Variants in ODAD4 observed in about 807,000 individuals in gnomAD.
The protein encoded by ODAD4 is outer dynein arm-docking complex subunit 4.
A neutral mutation model predicts 51.8 loss-of-function variants in ODAD4; 49 were observed. The observed-to-expected ratio is 0.95, with a 90% CI of 0.75 to 1.20. The LOEUF (loss-of-function observed/expected upper bound fraction) is 1.20. ODAD4 is among the 50% of genes most tolerant of loss of function. The pLI, the probability that ODAD4 is intolerant of heterozygous loss-of-function variation, is 0.00. For missense variants in ODAD4, 590 were observed against 586.5 expected, an observed-to-expected ratio of 1.01 and a Z score of -0.06; for synonymous variants, 235 against 221.3, an observed-to-expected ratio of 1.06 and a Z score of -0.55.
intron 7 of ODAD4, among the ~76,000 whole-genome samples, chr17:41,943,223 TA>T (rs1322191853): frequency 6.6e-6 from 1 of 152,232 alleles, no homozygotes; most frequent in Non-Finnish European, 1.5e-5. Context: ...CAGGATTTTT[TA>T]AAACCAAAGC....
In ODAD4 at chr17:41,966,461, A is replaced by G. The variant is rs2050889369; in HGVS notation, c.*978A>G. On this transcript the variant is annotated 3_prime_UTR_variant, in exon 12 of 12. Transcript: ENST00000377540. ...TTAATTAATGCAAAAGTCCATGATGAATAAAATATCAAAAATTAAAGACAG... is the reference window on the plus strand; with the variant it reads ...TTAATTAATGCAAAAGTCCATGATGGATAAAATATCAAAAATTAAAGACAG... Among the ~76,000 whole-genome samples the G allele has an allele frequency of 6.6e-6, 1 of 152,228 alleles. No individual in the cohort carries two copies. The highest frequency in any genetic ancestry group is 1.5e-5 in the Non-Finnish European group (1 of 68,032).
intron 10 of ODAD4, among the ~76,000 whole-genome samples, chr17:41,958,582 A>G (rs1185278474): frequency 2.0e-5 from 3 of 150,760 alleles, no homozygotes; most frequent in Non-Finnish European, 3.0e-5. Flanking sequence ...GAATCGCTTG[A>G]ACCCGGGAGG....
intron 8 of ODAD4, among the ~76,000 whole-genome samples, chr17:41,947,561 C>A (rs2050604891): frequency 1.3e-5 from 2 of 151,218 alleles, no homozygotes; most frequent in East Asian, 2.0e-4. Context: ...CTTTGGGAGG[C>A]CGAGGTGGGC....
chr17:41,938,417 A>G (rs1239498438), intron 5 of ODAD4, 140 bp from the exon 6 acceptor site: 1 of 681,886 alleles, frequency 1.5e-6, no homozygotes, highest in African/African-American at 1.8e-5. Flanking sequence ...CACTATGCGC[A>G]CTCACACTCC....
chr17:41,938,715 GACCACAAACGCCGTCCCTCAC>G lies in ODAD4; in HGVS notation c.786_806del (p.Asp262_Gln269delinsGlu). On this transcript the variant is annotated inframe_deletion, in exon 6 of 12. Transcript: ENST00000377540. ...GCTGATGCAAGAGAAATGGCTGCGG[GACCACAAACGCCGTCCCTCAC>G]AGACAGCCCATTACATCCTCAAGAG... 6.2e-7 allele frequency: 1 copy of G among 1,613,880 alleles called. No individual in the cohort carries two copies. The highest frequency in any genetic ancestry group is 8.5e-7 in the Non-Finnish European group (1 of 1,179,892).
intron 9 of ODAD4, chr17:41,952,599 AT>A (rs1555640335): frequency 2.2e-6 from 1 of 451,066 alleles, no homozygotes; most frequent in African/African-American, 2.1e-5. Flanking sequence ...ATCCTGAATG[AT>A]TTACTCTCTT....
chr17:41,954,343 C>A (rs1244559058), intron 9 of ODAD4, among the ~76,000 whole-genome samples: 3 of 151,980 alleles, frequency 2.0e-5, no homozygotes, highest in Admixed American at 2.0e-4. Context: ...TCAAATCAAT[C>A]ACTCAATCAA....
intron 3 of ODAD4, among the ~76,000 whole-genome samples, chr17:41,936,132 T>C (rs1298323781): frequency 6.6e-6 from 1 of 152,204 alleles, no homozygotes; most frequent in Non-Finnish European, 1.5e-5. Context: ...GGGCTGGCCT[T>C]AGCCATCAGC....
chr17:41,940,306 A>T (rs1365688559), intron 7 of ODAD4, among the ~76,000 whole-genome samples: 4 of 152,142 alleles, frequency 2.6e-5, no homozygotes, highest in Non-Finnish European at 5.9e-5. Context: ...TCCCCTGCTC[A>T]CAAGTGGGCC....
chr17:41,947,466 C>T (rs1247647163), intron 8 of ODAD4, among the ~76,000 whole-genome samples: 7 of 150,028 alleles, frequency 4.7e-5, no homozygotes, highest in African/African-American at 1.7e-4. Context: ...GCCTGGGTGA[C>T]GCAGCAAGAC....
At chr17:41,949,826 C>T (rs1473993473) in intron 9 of ODAD4, among the ~76,000 whole-genome samples, 1 of 152,102 alleles carries the variant, frequency 6.6e-6, no homozygotes, top group African/African-American at 2.4e-5. Context: ...GCGTCTGCCA[C>T]CACACCTGGC....
chr17:41,940,064 G>A (rs2050485080), intron 7 of ODAD4, among the ~76,000 whole-genome samples: 1 of 152,170 alleles, frequency 6.6e-6, no homozygotes, highest in Non-Finnish European at 1.5e-5. Flanking sequence ...CCACCCGGAG[G>A]TTCCATCGCT....
chr17:41,939,308 G>A, intron 7 of ODAD4, 136 bp downstream of exon 7: 3 of 892,116 alleles, frequency 3.4e-6, no homozygotes, highest in Non-Finnish European at 5.0e-6. Flanking sequence ...TTCTCCTGGA[G>A]GTGGGGACCA....
chr17:41,945,403 T>C lies in ODAD4; in HGVS notation c.1145+181T>C, dbSNP rs118009305. On this transcript the variant is annotated intron_variant, in intron 8 of 11. Transcript: ENST00000377540. ...GTCCTGTGCCTGTGGTCCCAGCTAC[T>C]TGGGAGGCTGAGGTAGGAGGATTAC... 199 of 599,860 alleles carry C rather than the reference T, an allele frequency of 3.3e-4. 1 individual carries two copies. In the East Asian group the frequency reaches 5.4e-3, roughly 16 times the overall value. The allele number at this position is 599,860 out of a possible 1,614,324, so 37.2% of individuals were successfully genotyped here.
chr17:41,955,045 T>C, intron 9 of ODAD4, 172 bp from the exon 10 acceptor site: 1 of 705,984 alleles, frequency 1.4e-6, no homozygotes, highest in Non-Finnish European at 2.6e-6. Flanking sequence ...AGGAACACGG[T>C]GGAAAGGATG....
At chr17:41,933,551 C>T (rs1598068064) in intron 1 of ODAD4, among the ~76,000 whole-genome samples, 1 of 151,954 alleles carries the variant, frequency 6.6e-6, no homozygotes, top group South Asian at 2.1e-4. Flanking sequence ...ACTCCGGAGG[C>T]TGAGGCAGGA....
chr17:41,947,624 C>T (rs1451660676), intron 8 of ODAD4, among the ~76,000 whole-genome samples: 29 of 146,268 alleles, frequency 2.0e-4, no homozygotes, highest in African/African-American at 7.1e-4. Context: ...GGGGAAACCC[C>T]GTCCCTATTA....
rs1555642766 is a variant in ODAD4 at position 41,966,418 on chromosome 17, T to C, written c.*935T>C. ...TGCATGATAATATTTTAATCCAATG[T>C]GGTAAAAAAAAAAGTTTTTAATTAA... is the stretch of plus-strand genomic sequence containing the variant. On this transcript the variant is annotated 3_prime_UTR_variant, in exon 12 of 12. Coordinates refer to ENST00000377540, the MANE Select transcript of ODAD4 (RefSeq NM_031421.5). 6.6e-6 allele frequency among the ~76,000 whole-genome samples: 1 copy of C among 152,036 alleles called. No individual in the cohort carries two copies. The highest frequency in any genetic ancestry group is 2.4e-5 in the African/African-American group (1 of 41,388).
chr17:41,951,663 C>T (rs2050654139), intron 9 of ODAD4, among the ~76,000 whole-genome samples: 1 of 151,474 alleles, frequency 6.6e-6, no homozygotes, highest in African/African-American at 2.4e-5. Flanking sequence ...GCAGGTGGAT[C>T]ACCTGAGGTC....
Sources: gnomAD v4.1 joint callset for allele counts (sites outside exome capture counted in the v4.1 genomes callset) on GRCh38, gnomAD v4.1.1 for gene constraint, MANE v1.5 for transcripts, NCBI Gene and HGNC (gene_info 2026-07-23, HGNC 2026-07-21) for gene names.